PHF21B: variants seen among roughly 807,000 people sequenced by gnomAD.
PHF21B encodes PHD finger protein 21B.
In PHF21B, 22 loss-of-function variants were observed where a neutral mutation model predicts 62.2. The ratio of observed to expected loss-of-function variants is 0.35; its 90% CI spans 0.25 to 0.51. The LOEUF (loss-of-function observed/expected upper bound fraction) is 0.51, where lower values mean the gene tolerates loss of function less well. Among genes scored for constraint, PHF21B ranks in the 20% least tolerant of loss-of-function variants. PHF21B has a pLI of 0.97. For synonymous variants in PHF21B, 341 were observed against 314.7 expected, an observed-to-expected ratio of 1.08 and a Z score of -0.88; for missense variants, 701 against 707.9, an observed-to-expected ratio of 0.99 and a Z score of 0.11.
At chr22:44,893,364 A>G in intron 7 of PHF21B, 93 bp downstream of exon 7, 1 of 1,258,414 alleles carries the variant, frequency 7.9e-7, no homozygotes, top group Non-Finnish European at 1.1e-6. Flanking sequence ...GGTGCTTAGG[A>G]AAGCGAATGA....
chr22:44,919,590 G>T (rs2071498635), intron 3 of PHF21B, among the ~76,000 whole-genome samples: 1 of 152,210 alleles, frequency 6.6e-6, no homozygotes, highest in African/African-American at 2.4e-5. Context: ...TGAGCTGGGG[G>T]AATCTGTCTA....
chr22:44,928,410 T>C (rs1357813833), intron 2 of PHF21B, among the ~76,000 whole-genome samples: 1 of 152,124 alleles, frequency 6.6e-6, no homozygotes, highest in Non-Finnish European at 1.5e-5. Flanking sequence ...CTTCTTCCCA[T>C]GAAAGGAACT....
chr22:44,999,788 A>G (rs1026853297), intron 2 of PHF21B, among the ~76,000 whole-genome samples: 51 of 151,914 alleles, frequency 3.4e-4, no homozygotes, highest in African/African-American at 1.1e-3. Flanking sequence ...TGATCTCAAC[A>G]AGGCCCCCAA....
At chr22:44,966,757 C>T (rs539706136) in intron 2 of PHF21B, among the ~76,000 whole-genome samples, 6 of 152,276 alleles carry the variant, frequency 3.9e-5, no homozygotes, top group East Asian at 1.9e-4. Context: ...TTGTGATGGG[C>T]GATGGCTTTG....
intron 5 of PHF21B, among the ~76,000 whole-genome samples, chr22:44,907,982 G>A (rs1441247195): frequency 6.6e-6 from 1 of 152,212 alleles, no homozygotes; most frequent in Non-Finnish European, 1.5e-5. Flanking sequence ...CCCTGGGAAG[G>A]CTGGTAATGC....
In PHF21B at chr22:45,008,542, T is replaced by A; in HGVS notation, c.120+3A>T. Reference sequence around the variant, plus strand: ...CAGGGGGGGCCGCGATCCCATCGCTTACTTGTTTGTCGCTGAGCGCGGCGA... The same window carrying A: ...CAGGGGGGGCCGCGATCCCATCGCTAACTTGTTTGTCGCTGAGCGCGGCGA... On this transcript the variant is annotated splice_donor_region_variant and intron_variant, in intron 2 of 12. Coordinates refer to ENST00000313237, the MANE Select transcript of PHF21B (RefSeq NM_138415.5). 1 of 1,576,292 alleles carries A rather than the reference T, an allele frequency of 6.3e-7. No individual in the cohort carries two copies. The highest frequency in any genetic ancestry group is 1.2e-5 in the South Asian group (1 of 85,748).
chr22:44,891,434 C>T, intron 7 of PHF21B, 74 bp from the exon 8 acceptor site: 1 of 1,545,726 alleles, frequency 6.5e-7, no homozygotes. Flanking sequence ...CACCCCAGGT[C>T]AGGACTCTCT....
At chr22:44,911,542 C>A (rs1005506789) in intron 5 of PHF21B, among the ~76,000 whole-genome samples, 1 of 152,218 alleles carries the variant, frequency 6.6e-6, no homozygotes, top group Non-Finnish European at 1.5e-5. Flanking sequence ...TACCCCTCAG[C>A]CTGTTGCTTC....
In PHF21B at chr22:45,007,584, C is replaced by CGGAGGGAG. The variant is rs374774358; in HGVS notation, c.120+953_120+960dup. On this transcript the variant is annotated intron_variant, in intron 2 of 12. Transcript: ENST00000313237. The stretch of plus-strand genomic sequence containing the variant: ...CGCGAAGGAGGGAGGGAGGGGGCAG[C>CGGAGGGAG]GGAGGGAGGGAGGGGCGCCGCCGCC... 4.8e-4 allele frequency among the ~76,000 whole-genome samples: 51 copies of CGGAGGGAG among 106,532 alleles called. 1 individual carries two copies. Among genetic ancestry groups the CGGAGGGAG allele is most frequent in the Admixed American group, 1.4e-3 (17 of 11,828 alleles). 69.9% of individuals were successfully genotyped at this position (106,532 alleles called of 152,430 possible). A position where few individuals can be genotyped will look rare whatever the true frequency, so the allele number is the denominator to read the frequency against.
chr22:44,939,017 A>C (rs965518496), intron 2 of PHF21B, among the ~76,000 whole-genome samples: 2 of 152,236 alleles, frequency 1.3e-5, no homozygotes, highest in Non-Finnish European at 2.9e-5. Context: ...TGGGCTGCAC[A>C]CACACGGCGC....
intron 10 of PHF21B, among the ~76,000 whole-genome samples, chr22:44,887,210 A>C (rs2070875724): frequency 6.6e-6 from 1 of 151,764 alleles, no homozygotes; most frequent in East Asian, 1.9e-4. Flanking sequence ...TGACCACACA[A>C]GTCATGCATC....
At chr22:44,982,745 T>C (rs1385532828) in intron 2 of PHF21B, among the ~76,000 whole-genome samples, 1 of 152,178 alleles carries the variant, frequency 6.6e-6, no homozygotes, top group Non-Finnish European at 1.5e-5. Flanking sequence ...TTAATGGTGA[T>C]TTTTATCTGG....
At position 44,882,986 on chromosome 22, in the gene PHF21B, G is replaced by T; in HGVS notation, c.*100C>A. The T allele has an allele frequency of 7.4e-7, 1 of 1,344,244 alleles. No homozygotes were observed. Among genetic ancestry groups the T allele is most frequent in the Non-Finnish European group, 1.0e-6 (1 of 989,812 alleles). 83.3% of individuals were successfully genotyped at this position (1,344,244 alleles called of 1,614,324 possible). A position where few individuals can be genotyped will look rare whatever the true frequency, so the allele number is the denominator to read the frequency against. ...TCCTCTGTCTGGTTAATTTTTGTCT[G>T]AAATTCATAGTGTTTATGAATTAAG... On this transcript the variant is annotated 3_prime_UTR_variant, in exon 13 of 13. Transcript: ENST00000313237.
intron 2 of PHF21B, among the ~76,000 whole-genome samples, chr22:44,990,939 C>A (rs1416057110): frequency 6.6e-6 from 1 of 152,222 alleles, no homozygotes; most frequent in African/African-American, 2.4e-5. Flanking sequence ...CAGGGGGAGC[C>A]CTGAACCACC....
intron 2 of PHF21B, among the ~76,000 whole-genome samples, chr22:44,951,278 G>A (rs978992794): frequency 2.0e-4 from 31 of 152,284 alleles, no homozygotes; most frequent in African/African-American, 7.5e-4. Context: ...CTCATAAGGA[G>A]TGCACAGCCT....
chr22:45,007,787 G>A (rs1409958185), intron 2 of PHF21B, among the ~76,000 whole-genome samples: 5 of 149,212 alleles, frequency 3.4e-5, no homozygotes, highest in Non-Finnish European at 7.5e-5. Flanking sequence ...GAGCCAGGGG[G>A]CGGGGGCGCG....
At chr22:45,000,309 C>T (rs1030302855) in intron 2 of PHF21B, among the ~76,000 whole-genome samples, 3 of 152,168 alleles carry the variant, frequency 2.0e-5, no homozygotes, top group African/African-American at 7.2e-5. Flanking sequence ...CAGAGCCTCC[C>T]CGAGACACTG....
chr22:45,009,107 C>T lies in PHF21B; in HGVS notation c.54+389G>A, dbSNP rs1056277439. 6.1e-6 allele frequency: 6 copies of T among 979,952 alleles called. No individual in the cohort carries two copies. The highest frequency in any genetic ancestry group is 4.7e-5 in the Admixed American group (1 of 21,056). 60.7% of individuals were successfully genotyped at this position (979,952 alleles called of 1,614,324 possible). A position where few individuals can be genotyped will look rare whatever the true frequency, so the allele number is the denominator to read the frequency against. ...AGCGATCGCCAAAACTACTTCTGCA[C>T]ACCGGGCAGGTTCGCCCGGGGCGCG... is the stretch of plus-strand genomic sequence containing the variant. On this transcript the variant is annotated intron_variant, in intron 1 of 12. Coordinates refer to ENST00000313237, the MANE Select transcript of PHF21B (RefSeq NM_138415.5). This position sits in a 1 kb window ranked among gnomAD's most constrained non-coding sequence, Gnocchi z 5.9.
chr22:44,937,808 G>A (rs1389327228), intron 2 of PHF21B, among the ~76,000 whole-genome samples: 1 of 152,252 alleles, frequency 6.6e-6, no homozygotes, highest in Non-Finnish European at 1.5e-5. Context: ...ATAGCACTGC[G>A]TGGAACGAAG....
Sources: gnomAD v4.1 joint callset for allele counts (sites outside exome capture counted in the v4.1 genomes callset) on GRCh38, gnomAD v4.1.1 for gene constraint, Gnocchi (gnomAD v3.1) non-coding constraint, MANE v1.5 for transcripts, NCBI Gene and HGNC (gene_info 2026-07-23, HGNC 2026-07-21) for gene names.